Variants in HNRNPK observed in about 807,000 individuals in gnomAD.
The protein encoded by HNRNPK is heterogeneous nuclear ribonucleoprotein K, also known as dC-stretch binding protein.
In HNRNPK, 7 loss-of-function variants were observed where a neutral mutation model predicts 67.0. The observed-to-expected ratio is 0.10, with a 90% CI of 0.06 to 0.20. The LOEUF is 0.20. Ranked by LOEUF, HNRNPK falls within the 10% of genes least tolerant of loss-of-function variation. The probability of loss-of-function intolerance (pLI) is 1.00; values close to 1 mark genes in which losing one functional copy is unlikely to be tolerated. For synonymous variants in HNRNPK, 213 were observed against 193.7 expected, an observed-to-expected ratio of 1.10 and a Z score of -0.83; for missense variants, 264 against 606.5, an observed-to-expected ratio of 0.44 and a Z score of 5.93.
In HNRNPK at chr9:83,978,214, A is replaced by T; in HGVS notation, c.39T>A (p.Thr13=). 1 of 1,607,566 alleles carries T rather than the reference A, an allele frequency of 6.2e-7. No individual in the cohort carries two copies. Among genetic ancestry groups the T allele is most frequent in the Non-Finnish European group, 8.5e-7 (1 of 1,174,432 alleles). The change falls in exon 3 of 17, where the codon ACT becomes ACA. Residue 13 remains threonine (T), a synonymous_variant. Coordinates refer to ENST00000376263, the MANE Select transcript of HNRNPK (RefSeq NM_031263.4). ...TCTCACCAAATTCACCATTGGTTTCAGTGTTAGGGAAGGTTTCTTCTGGCT... is the reference window on the plus strand; with the variant it reads ...TCTCACCAAATTCACCATTGGTTTCTGTGTTAGGGAAGGTTTCTTCTGGCT... ...TEQPEETFPN[T]ETNGEFGKRP... is the part of the protein sequence containing the mutation.
At chr9:83,974,692 CAT>C (rs747132106) in intron 6 of HNRNPK, 103 bp from the exon 7 acceptor site, 77 of 723,404 alleles carry the variant, frequency 1.1e-4, no homozygotes, top group Admixed American at 2.3e-4. Context: ...AGATGTAACA[CAT>C]GATTATTTAA....
chr9:83,976,677 G>A (rs960724119), intron 5 of HNRNPK: 6 of 216,482 alleles, frequency 2.8e-5, no homozygotes, highest in Non-Finnish European at 4.5e-5. Flanking sequence ...TCACACACAG[G>A]AAATGGTGCA....
intron 5 of HNRNPK, 39 bp downstream of exon 5, chr9:83,976,956 G>T: frequency 8.3e-7 from 1 of 1,207,462 alleles, no homozygotes; most frequent in Non-Finnish European, 1.2e-6. Flanking sequence ...CATATAAACT[G>T]AAGCTGCTCG....
intron 3 of HNRNPK, 72 bp downstream of exon 3, chr9:83,978,123 C>A: frequency 2.1e-6 from 2 of 960,474 alleles, no homozygotes; most frequent in Non-Finnish European, 3.4e-6. Flanking sequence ...ACTCCTAAGG[C>A]AATAATTAAC....
At chr9:83,979,767 T>A (rs867221361) in intron 1 of HNRNPK, among the ~76,000 whole-genome samples, 2 of 138,940 alleles carry the variant, frequency 1.4e-5, no homozygotes, top group South Asian at 2.3e-4. Flanking sequence ...GAGGCAGCCC[T>A]GACCGTTCCA....
chr9:83,973,281 T>G lies in HNRNPK; in HGVS notation c.516+5A>C. The G allele has an allele frequency of 6.5e-7, 1 of 1,527,636 alleles. No individual in the cohort carries two copies. Among genetic ancestry groups the G allele is most frequent in the Non-Finnish European group, 9.0e-7 (1 of 1,106,898 alleles). 94.6% of individuals were successfully genotyped at this position (1,527,636 alleles called of 1,614,324 possible). ...AAGAATACGGCAGAATTTTTTTTTTTTTACCTCTCGAAGTTCTTTGATTTT... is the reference window on the plus strand; with the variant it reads ...AAGAATACGGCAGAATTTTTTTTTTGTTACCTCTCGAAGTTCTTTGATTTT... On this transcript the variant is annotated splice_donor_5th_base_variant and intron_variant, in intron 9 of 16. Transcript: ENST00000376263.
intron 9 of HNRNPK, 43 bp from the exon 10 acceptor site, chr9:83,973,015 A>G (rs755597232): frequency 9.3e-5 from 134 of 1,438,270 alleles, no homozygotes; most frequent in Non-Finnish European, 1.1e-4. Context: ...ATTAGAAGAA[A>G]ATTAGCTTTC....
Position 83,974,511 on chromosome 9 carries a change from G to C in HNRNPK, c.330+6C>G. 2.8e-6 allele frequency: 4 copies of C among 1,445,308 alleles called. No individual in the cohort carries two copies. The highest frequency in any genetic ancestry group is 2.9e-6 in the Non-Finnish European group (3 of 1,036,816). The allele number at this position is 1,445,308 out of a possible 1,614,324, so 89.5% of individuals were successfully genotyped here. ...GTCAAATACATTTAAAAAAAAATGA[G>C]CCTACCTCTTCCAAGGTAGGGATGA... On this transcript the variant is annotated splice_donor_region_variant and intron_variant, in intron 7 of 16. Transcript: ENST00000376263.
intron 12 of HNRNPK, 112 bp from the exon 13 acceptor site, chr9:83,971,468 G>C: frequency 1.2e-6 from 1 of 839,326 alleles, no homozygotes; most frequent in South Asian, 1.5e-5. Flanking sequence ...ACATATATAG[G>C]CAGCAATTTT....
intron 1 of HNRNPK, among the ~76,000 whole-genome samples, chr9:83,979,105 G>A (rs1036569526): frequency 6.6e-6 from 1 of 152,150 alleles, no homozygotes; most frequent in Non-Finnish European, 1.5e-5. Flanking sequence ...CCTGTAACAC[G>A]AAAACTAAAG....
chr9:83,976,816 A>C, intron 5 of HNRNPK, 179 bp downstream of exon 5: 10 of 449,702 alleles, frequency 2.2e-5, no homozygotes, highest in Admixed American at 3.8e-5. Flanking sequence ...CACCCTGCTC[A>C]ATCTGGGCTT....
At position 83,969,094 on chromosome 9, in the gene HNRNPK, T is replaced by C; in HGVS notation, c.*313A>G. The C allele has an allele frequency of 2.0e-6, 1 of 500,528 alleles. No homozygotes were observed. The allele number at this position is 500,528 out of a possible 1,614,324, so 31.0% of individuals were successfully genotyped here. Reference sequence around the variant, plus strand: ...TTCACAATAATTACATGGGGGGAATTTTTTAAACCACCAACAATAACGAAA... The same window carrying C: ...TTCACAATAATTACATGGGGGGAATCTTTTAAACCACCAACAATAACGAAA... On this transcript the variant is annotated 3_prime_UTR_variant, in exon 17 of 17. Transcript: ENST00000376263.
intron 7 of HNRNPK, 37 bp from the exon 8 acceptor site, chr9:83,974,010 C>T: frequency 7.2e-7 from 1 of 1,382,558 alleles, no homozygotes; most frequent in Non-Finnish European, 1.0e-6. Context: ...GGTTAAGTGT[C>T]TAGCGTGATC....
intron 1 of HNRNPK, among the ~76,000 whole-genome samples, chr9:83,979,416 G>T (rs1957248189): frequency 6.6e-6 from 1 of 152,240 alleles, no homozygotes; most frequent in Non-Finnish European, 1.5e-5. Context: ...GAATAACGTT[G>T]CCGCTTGCCG....
Position 83,978,399 on chromosome 9 carries a change from G to C in HNRNPK, c.-54C>G, listed in dbSNP as rs167203. On this transcript the variant is annotated 5_prime_UTR_variant, in exon 2 of 17. Coordinates refer to ENST00000376263, the MANE Select transcript of HNRNPK (RefSeq NM_031263.4). ...AGTTATTATATATCCTTGCAGAGCA[G>C]AACTGAAGCGTTCTGGGTCGGACCA... is the stretch of plus-strand genomic sequence containing the variant. The C allele has an allele frequency of 0.21, 297,214 of 1,425,156 alleles. 33,050 individuals are homozygous for C. Among genetic ancestry groups the C allele is most frequent in the Middle Eastern group, 0.29 (1,092 of 3,830 alleles). The allele number at this position is 1,425,156 out of a possible 1,614,324, so 88.3% of individuals were successfully genotyped here.
At position 83,968,098 on chromosome 9, in the gene HNRNPK, T is replaced by C. The variant is rs1173833884; in HGVS notation, c.*1309A>G. On this transcript the variant is annotated 3_prime_UTR_variant, in exon 17 of 17. Coordinates refer to ENST00000376263, the MANE Select transcript of HNRNPK (RefSeq NM_031263.4). ...CACAAAAAAATACATAAGATTACTATATTTCCTTTTAAGAGGAACGTTTCA... is the reference window on the plus strand; with the variant it reads ...CACAAAAAAATACATAAGATTACTACATTTCCTTTTAAGAGGAACGTTTCA... The C allele has an allele frequency of 6.6e-6, 1 of 152,524 alleles. No homozygotes were observed. Among genetic ancestry groups the C allele is most frequent in the South Asian group, 2.1e-4 (1 of 4,834 alleles). 9.4% of individuals were successfully genotyped at this position (152,524 alleles called of 1,614,324 possible). A position where few individuals can be genotyped will look rare whatever the true frequency, so the allele number is the denominator to read the frequency against.
At chr9:83,979,216 G>C (rs1957232300) in intron 1 of HNRNPK, among the ~76,000 whole-genome samples, 1 of 152,144 alleles carries the variant, frequency 6.6e-6, no homozygotes, top group East Asian at 1.9e-4. Context: ...TAGAAGGTTG[G>C]CTAGACAGCA....
intron 10 of HNRNPK, 141 bp downstream of exon 10, chr9:83,972,703 A>G (rs576203319): frequency 8.7e-6 from 5 of 573,418 alleles, no homozygotes; most frequent in Non-Finnish European, 9.1e-6. Flanking sequence ...AATTAAAGTG[A>G]TGGCTGAAGC....
Position 83,971,035 on chromosome 9 carries a change from G to A in HNRNPK, c.1093-123C>T, listed in dbSNP as rs573127876. 2.2e-5 allele frequency: 21 copies of A among 958,778 alleles called. 1 individual carries two copies. Among genetic ancestry groups the A allele is most frequent in the Admixed American group, 4.1e-5 (2 of 49,276 alleles). 59.4% of individuals were successfully genotyped at this position (958,778 alleles called of 1,614,324 possible). A position where few individuals can be genotyped will look rare whatever the true frequency, so the allele number is the denominator to read the frequency against. ...TTGCCCAGGCTGGTCTCAAACTCTCGGGCTCAAGTGATCCTCCTGCCTCAG... is the reference window on the plus strand; with the variant it reads ...TTGCCCAGGCTGGTCTCAAACTCTCAGGCTCAAGTGATCCTCCTGCCTCAG... On this transcript the variant is annotated intron_variant, in intron 13 of 16. Transcript: ENST00000376263.
Sources: gnomAD v4.1 joint callset for allele counts (sites outside exome capture counted in the v4.1 genomes callset) on GRCh38, gnomAD v4.1.1 for gene constraint, MANE v1.5 for transcripts, NCBI Gene and HGNC (gene_info 2026-07-23, HGNC 2026-07-21) for gene names.